The following WNT3A variants were observed in gnomAD, a reference collection of about 807,000 sequenced individuals.
WNT3A encodes Wnt family member 3A.
A neutral mutation model predicts 37.0 loss-of-function variants in WNT3A; 17 were observed. That is an observed-to-expected ratio of 0.46 (90% CI 0.31 to 0.69). The LOEUF (loss-of-function observed/expected upper bound fraction) is 0.69. Ranked by LOEUF, WNT3A falls within the 30% of genes least tolerant of loss-of-function variation. The pLI is 0.05. For synonymous variants in WNT3A, 187 were observed against 211.0 expected (o/e 0.89, Z 0.99); for missense variants, 411 against 510.2 (o/e 0.81, Z 1.87).
chr1:228,036,036 G>C (rs1042035342), intron 2 of WNT3A, among the ~76,000 whole-genome samples: 1 of 152,170 alleles, frequency 6.6e-6, no homozygotes, highest in Admixed American at 6.5e-5. Context: ...GGAGCCCGCC[G>C]GGTGCCTCAG....
intron 2 of WNT3A, among the ~76,000 whole-genome samples, chr1:228,046,261 T>C (rs566525619): frequency 3.7e-4 from 57 of 152,328 alleles, no homozygotes; most frequent in African/African-American, 1.4e-3. Flanking sequence ...GGGAGAGGTG[T>C]GCATGTGTGT....
chr1:228,027,033 G>A (rs998779524), intron 2 of WNT3A, among the ~76,000 whole-genome samples: 2 of 152,066 alleles, frequency 1.3e-5, no homozygotes, highest in African/African-American at 4.8e-5. Flanking sequence ...AGTACAGACG[G>A]GGTTTCACCA....
Position 228,007,099 on chromosome 1 carries a change from T to G in WNT3A, c.-30T>G. 1 of 1,529,282 alleles carries G rather than the reference T, an allele frequency of 6.5e-7. No individual in the cohort carries two copies. Among genetic ancestry groups the G allele is most frequent in the Non-Finnish European group, 8.8e-7 (1 of 1,138,234 alleles). 94.7% of individuals were successfully genotyped at this position (1,529,282 alleles called of 1,614,324 possible). A position where few individuals can be genotyped will look rare whatever the true frequency, so the allele number is the denominator to read the frequency against. The stretch of plus-strand genomic sequence containing the variant: ...CGGCGCTCACGCTCTCGGGGCGGAC[T>G]CCCGGCCCTCCGCGCCCTCTCGCGC... On this transcript the variant is annotated 5_prime_UTR_variant, in exon 1 of 4. Transcript: ENST00000284523. This position sits in a 1 kb window ranked among gnomAD's most constrained non-coding sequence, Gnocchi z 6.0.
In WNT3A at chr1:228,024,981, C is replaced by T. The variant is rs146382376; in HGVS notation, c.313+2073C>T. Among the ~76,000 whole-genome samples, 1,238 of 152,256 alleles carry T rather than the reference C, an allele frequency of 8.1e-3. 18 individuals are homozygous for T. Among genetic ancestry groups the T allele is most frequent in the African/African-American group, 0.028 (1,162 of 41,546 alleles). ...TAGGTTTATTTCTGGACTCTCAATTCCAGTCTATTGGTCTGTATGTCTGTC... is the reference window on the plus strand; with the variant it reads ...TAGGTTTATTTCTGGACTCTCAATTTCAGTCTATTGGTCTGTATGTCTGTC... On this transcript the variant is annotated intron_variant, in intron 2 of 3. Coordinates refer to ENST00000284523, the MANE Select transcript of WNT3A (RefSeq NM_033131.4).
chr1:228,013,791 G>C (rs1380541018), intron 1 of WNT3A, among the ~76,000 whole-genome samples: 1 of 152,232 alleles, frequency 6.6e-6, no homozygotes, highest in East Asian at 1.9e-4. Flanking sequence ...GCCTGGGCGA[G>C]ATGGGAGGTC....
intron 3 of WNT3A, among the ~76,000 whole-genome samples, chr1:228,057,769 A>G (rs1230400809): frequency 6.6e-6 from 1 of 152,210 alleles, no homozygotes; most frequent in Non-Finnish European, 1.5e-5. Flanking sequence ...TGACACAAAG[A>G]TCATTATAAA....
rs2031767178 is a variant in WNT3A, at chr1:228,059,999, C to A, written c.*534C>A. The A allele has an allele frequency of 8.7e-7, 1 of 1,154,308 alleles. No individual in the cohort carries two copies. Among genetic ancestry groups the A allele is most frequent in the East Asian group, 6.4e-5 (1 of 15,716 alleles). 71.5% of individuals were successfully genotyped at this position (1,154,308 alleles called of 1,614,324 possible). On this transcript the variant is annotated 3_prime_UTR_variant, in exon 4 of 4. Coordinates refer to ENST00000284523, the MANE Select transcript of WNT3A (RefSeq NM_033131.4). ...TGGGGTTTTATGGTGGATGAGGCTT[C>A]TTCCTGGATGGGGCAGAGCTTCTCC...
intron 2 of WNT3A, among the ~76,000 whole-genome samples, chr1:228,049,457 A>G (rs2031495085): frequency 6.6e-6 from 1 of 152,196 alleles, no homozygotes; most frequent in Non-Finnish European, 1.5e-5. Context: ...ACATTGGGGT[A>G]CTTCCAGTTT....
At chr1:228,058,876 G>GC in intron 3 of WNT3A, 110 bp from the exon 4 acceptor site, 3 of 1,144,590 alleles carry the variant, frequency 2.6e-6, no homozygotes, top group Non-Finnish European at 3.7e-6. Context: ...TGCCCCCTCT[G>GC]CCCGGGGGCT....
At chr1:228,014,264 GA>G (rs1311498842) in intron 1 of WNT3A, among the ~76,000 whole-genome samples, 1 of 152,174 alleles carries the variant, frequency 6.6e-6, no homozygotes, top group African/African-American at 2.4e-5. Flanking sequence ...GACAGATGGG[GA>G]AACTGAGGCC....
Position 228,059,372 on chromosome 1 carries a change from G to A in WNT3A, c.966G>A (p.Arg322=). ...GCGGCCACAACGCGCGAGCGGAGCGGCGCCGGGAGAAGTGCCGCTGCGTGT... is the reference window on the plus strand; with the variant it reads ...GCGGCCACAACGCGCGAGCGGAGCGACGCCGGGAGAAGTGCCGCTGCGTGT... ...CGRGHNARAE[R]RREKCRCVFH... Residue 322 remains arginine, a synonymous_variant, in exon 4 of 4, where the codon CGG becomes CGA. Coordinates refer to ENST00000284523, the MANE Select transcript of WNT3A (RefSeq NM_033131.4). The A allele has an allele frequency of 6.4e-7, 1 of 1,562,826 alleles. No individual in the cohort carries two copies. Among genetic ancestry groups the A allele is most frequent in the South Asian group, 1.2e-5 (1 of 86,400 alleles).
rs747771925 is a variant in WNT3A at position 228,060,171 on chromosome 1, C to A, written c.*706C>A. On this transcript the variant is annotated 3_prime_UTR_variant, in exon 4 of 4. Transcript: ENST00000284523. ...GCGGGTGGGACTCTTCCCTGGGAAC[C>A]GCCCTCCTGATTAAGGCGTGGCTTC... 5.9e-6 allele frequency: 8 copies of A among 1,350,962 alleles called. No homozygotes were observed. Among genetic ancestry groups the A allele is most frequent in the Non-Finnish European group, 7.8e-6 (8 of 1,021,166 alleles). The allele number at this position is 1,350,962 out of a possible 1,614,324, so 83.7% of individuals were successfully genotyped here. A position where few individuals can be genotyped will look rare whatever the true frequency, so the allele number is the denominator to read the frequency against.
intron 1 of WNT3A, 60 bp from the exon 2 acceptor site, chr1:228,022,607 C>T: frequency 6.4e-7 from 1 of 1,567,968 alleles, no homozygotes; most frequent in Non-Finnish European, 8.7e-7. Flanking sequence ...GGGTCTGTAG[C>T]CTGCTCATCT....
Position 228,012,918 on chromosome 1 carries a change from C to T in WNT3A, c.71+5719C>T, listed in dbSNP as rs527391467. ...CCACAGACAGGGTCTCGCTCTGTCA[C>T]CCAGGCTGGAGTGCAGTGATGTGAT... On this transcript the variant is annotated intron_variant, in intron 1 of 3. Transcript: ENST00000284523. Among the ~76,000 whole-genome samples the T allele has an allele frequency of 3.9e-5, 6 of 152,278 alleles. No individual in the cohort carries two copies. The South Asian group carries it at 6.2e-4, about 16-fold the overall frequency.
At chr1:228,030,044 C>A (rs2030960434) in intron 2 of WNT3A, among the ~76,000 whole-genome samples, 1 of 152,130 alleles carries the variant, frequency 6.6e-6, no homozygotes, top group Non-Finnish European at 1.5e-5. Flanking sequence ...ATGATGGCAC[C>A]ACTGAGCTCC....
chr1:228,048,568 T>C (rs571664579), intron 2 of WNT3A, among the ~76,000 whole-genome samples: 22 of 152,252 alleles, frequency 1.4e-4, no homozygotes, highest in African/African-American at 5.1e-4. Flanking sequence ...CTGTCTCTTT[T>C]TATTTTGTTT....
At chr1:228,058,550 A>G (rs966331158) in intron 3 of WNT3A, among the ~76,000 whole-genome samples, 10 of 152,154 alleles carry the variant, frequency 6.6e-5, no homozygotes, top group African/African-American at 9.7e-5. Context: ...CTCTTTACTC[A>G]TGCTCAGGAC....
chr1:228,051,670 T>A (rs575721463), intron 3 of WNT3A, among the ~76,000 whole-genome samples: 2 of 152,164 alleles, frequency 1.3e-5, no homozygotes, highest in South Asian at 4.2e-4. Context: ...ATAAGGGCAT[T>A]GTTTTAGGCC....
chr1:228,060,518 G>A lies in WNT3A; in HGVS notation c.*1053G>A, dbSNP rs2031782523. 3.2e-6 allele frequency: 1 copy of A among 316,098 alleles called. No individual in the cohort carries two copies. Among genetic ancestry groups the A allele is most frequent in the South Asian group, 2.7e-5 (1 of 36,698 alleles). The allele number at this position is 316,098 out of a possible 1,614,324, so 19.6% of individuals were successfully genotyped here. ...CAAGCTTAGTCCTGGGAGAGGACAG[G>A]GACTTCGCAGAGGCAAGCGACCGAG... On this transcript the variant is annotated 3_prime_UTR_variant, in exon 4 of 4. Coordinates refer to ENST00000284523, the MANE Select transcript of WNT3A (RefSeq NM_033131.4).
Sources: gnomAD v4.1 joint callset for allele counts (sites outside exome capture counted in the v4.1 genomes callset) on GRCh38, gnomAD v4.1.1 for gene constraint, Gnocchi (gnomAD v3.1) non-coding constraint, MANE v1.5 for transcripts, NCBI Gene and HGNC (gene_info 2026-07-23, HGNC 2026-07-21) for gene names.